PCDHGB2: variants seen among roughly 807,000 people sequenced by gnomAD.
The protein encoded by PCDHGB2 is protocadherin gamma subfamily B, 2.
A neutral mutation model predicts 59.3 loss-of-function variants in PCDHGB2; 55 were observed. The observed-to-expected ratio is 0.93, with a 90% CI of 0.75 to 1.16. The LOEUF (loss-of-function observed/expected upper bound fraction) is 1.16. Among genes scored for constraint, PCDHGB2 ranks in the 50% most tolerant of loss-of-function variants. PCDHGB2 has a pLI of 0.00. For synonymous variants in PCDHGB2, 516 were observed against 512.0 expected, an observed-to-expected ratio of 1.01 and a Z score of -0.11; for missense variants, 1,228 against 1,198.5, an observed-to-expected ratio of 1.02 and a Z score of -0.36.
At chr5:141,444,918 C>T (rs1197922745) in intron 1 of PCDHGB2, among the ~76,000 whole-genome samples, 1 of 152,106 alleles carries the variant, frequency 6.6e-6, no homozygotes, top group Non-Finnish European at 1.5e-5. Flanking sequence ...ATACCTTTAT[C>T]AGGGAAAGAG....
Position 141,361,770 on chromosome 5 carries a change from C to T in PCDHGB2, c.1635C>T (p.Asn545=). The change falls in exon 1 of 4, where the codon AAC becomes AAT. Residue 545 remains asparagine (N), a synonymous_variant. Transcript: ENST00000522605. The part of the protein sequence containing the change: ...RDQGSPALSA[N]VSLRVLVGDL... Reference sequence around the variant, plus strand: ...AGGGCTCGCCCGCGCTCAGCGCCAACGTGAGCCTGCGCGTGTTAGTGGGCG... The same window carrying T: ...AGGGCTCGCCCGCGCTCAGCGCCAATGTGAGCCTGCGCGTGTTAGTGGGCG... 6.2e-7 allele frequency: 1 copy of T among 1,613,188 alleles called. No homozygotes were observed.
rs1011504923 is a variant in PCDHGB2, at chr5:141,408,109, C to A, written c.2421+45553C>A. ...GGATTGCCAGCTCCGAGACCCGGGA[C>A]TCCTCCTGTCCTGGGCCGAATGCTC... is the stretch of plus-strand genomic sequence containing the variant. On this transcript the variant is annotated intron_variant, in intron 1 of 3. Transcript: ENST00000522605. 6 of 1,445,662 alleles carry A rather than the reference C, an allele frequency of 4.2e-6. No homozygotes were observed. In the African/African-American group the frequency reaches 5.7e-5, roughly 14 times the overall value. 89.6% of individuals were successfully genotyped at this position (1,445,662 alleles called of 1,614,324 possible). A position where few individuals can be genotyped will look rare whatever the true frequency, so the allele number is the denominator to read the frequency against.
intron 1 of PCDHGB2, chr5:141,421,898 A>T: frequency 6.2e-7 from 1 of 1,613,736 alleles, no homozygotes; most frequent in Non-Finnish European, 8.5e-7. Flanking sequence ...CCCATCCGAA[A>T]GGGCGCAGTT....
chr5:141,419,311 C>T (rs745852942), intron 1 of PCDHGB2: 4 of 1,613,876 alleles, frequency 2.5e-6, no homozygotes, highest in East Asian at 4.5e-5. Context: ...TCGGGCTCAA[C>T]GGCCGTGTCT....
intron 1 of PCDHGB2, chr5:141,418,683 CAG>C: frequency 6.2e-7 from 1 of 1,614,048 alleles, no homozygotes; most frequent in African/African-American, 1.3e-5. Flanking sequence ...GGCATCAACT[CAG>C]AGATCACTTA....
chr5:141,465,532 C>T (rs1175698109), intron 1 of PCDHGB2, among the ~76,000 whole-genome samples: 1 of 152,138 alleles, frequency 6.6e-6, no homozygotes, highest in Non-Finnish European at 1.5e-5. Flanking sequence ...GGAAGTTTTC[C>T]CAGGCATTTT....
intron 1 of PCDHGB2, chr5:141,418,003 G>T (rs1441842557): frequency 6.2e-7 from 1 of 1,613,798 alleles, no homozygotes; most frequent in Non-Finnish European, 8.5e-7. Context: ...CGGTGGTGGG[G>T]AACCTCGCTA....
In PCDHGB2 at chr5:141,361,045, A is replaced by G. The variant is rs1055845568; in HGVS notation, c.910A>G (p.Lys304Glu). The change falls in exon 1 of 4, where the codon AAG becomes GAG. Residue 304 changes from lysine (K) to glutamate (E), a missense_variant. Transcript: ENST00000522605. ...TGAAAAAACAGGAGAAATCACGACAAAGGATGATTTGGATTTTGAGATTGC... is the reference window on the plus strand; with the variant it reads ...TGAAAAAACAGGAGAAATCACGACAGAGGATGATTTGGATTTTGAGATTGC... ...LNEKTGEITTKDDLDFEIASS... is the reference protein window; with the variant it reads ...LNEKTGEITTEDDLDFEIASS... 5 of 1,613,552 alleles carry G rather than the reference A, an allele frequency of 3.1e-6. No individual in the cohort carries two copies. Among genetic ancestry groups the G allele is most frequent in the Non-Finnish European group, 3.4e-6 (4 of 1,179,700 alleles).
At chr5:141,427,525 C>T (rs779318429) in intron 1 of PCDHGB2, 9 of 611,980 alleles carry the variant, frequency 1.5e-5, no homozygotes, top group South Asian at 3.0e-5. Flanking sequence ...GAGCGGATCC[C>T]GGAGTACAAC....
chr5:141,487,812 T>A lies in PCDHGB2; in HGVS notation c.2422-6995T>A. ...TAACCAGAGTTGTCACAGTTTAGCA[T>A]TGGGGGCGGGTCATGCCTATATCTG... On this transcript the variant is annotated intron_variant, in intron 1 of 3. Coordinates refer to ENST00000522605, the MANE Select transcript of PCDHGB2 (RefSeq NM_018923.3). The surrounding 1 kb of genome is among the most constrained non-coding windows in gnomAD (Gnocchi z 5.0). 1 of 1,408,206 alleles carries A rather than the reference T, an allele frequency of 7.1e-7. No individual in the cohort carries two copies. The highest frequency in any genetic ancestry group is 9.7e-7 in the Non-Finnish European group (1 of 1,036,248). 87.2% of individuals were successfully genotyped at this position (1,408,206 alleles called of 1,614,324 possible). A position where few individuals can be genotyped will look rare whatever the true frequency, so the allele number is the denominator to read the frequency against.
At chr5:141,418,128 T>C (rs1386757111) in intron 1 of PCDHGB2, 1 of 1,614,090 alleles carries the variant, frequency 6.2e-7, no homozygotes, top group South Asian at 1.1e-5. Flanking sequence ...AAGGACCGAA[T>C]AGACCGTGAG....
chr5:141,375,703 G>T (rs776426026), intron 1 of PCDHGB2: 9 of 1,614,144 alleles, frequency 5.6e-6, no homozygotes, highest in Non-Finnish European at 7.6e-6. Flanking sequence ...GCGGGGACCC[G>T]CCTCTTAGCA....
chr5:141,461,902 C>A (rs1477274695), intron 1 of PCDHGB2, among the ~76,000 whole-genome samples: 1 of 152,116 alleles, frequency 6.6e-6, no homozygotes, highest in African/African-American at 2.4e-5. Flanking sequence ...CGGCTCACTG[C>A]AACCTCTGCC....
chr5:141,419,037 A>G, intron 1 of PCDHGB2: 1 of 1,613,972 alleles, frequency 6.2e-7, no homozygotes, highest in Middle Eastern at 1.6e-4. Flanking sequence ...GTTCCATTTA[A>G]GATTCATTCT....
At chr5:141,394,256 C>G in intron 1 of PCDHGB2, 1 of 1,613,942 alleles carries the variant, frequency 6.2e-7, no homozygotes, top group Non-Finnish European at 8.5e-7. Flanking sequence ...ACCCCGACAG[C>G]CAGGAGAATG....
rs763097687 is a variant in PCDHGB2 at position 141,489,361 on chromosome 5, C to G, written c.2422-5446C>G. On this transcript the variant is annotated intron_variant, in intron 1 of 3. Transcript: ENST00000522605. This position sits in a 1 kb window ranked among gnomAD's most constrained non-coding sequence, Gnocchi z 4.5. Reference sequence around the variant, plus strand: ...TTACTCAGTGGTGGAGGAGTCTGAGCCGGGGACGCTGGTGGGGAATGTTGC... The same window carrying G: ...TTACTCAGTGGTGGAGGAGTCTGAGGCGGGGACGCTGGTGGGGAATGTTGC... 6.2e-7 allele frequency: 1 copy of G among 1,612,762 alleles called. No homozygotes were observed. Among genetic ancestry groups the G allele is most frequent in the African/African-American group, 1.3e-5 (1 of 74,874 alleles).
chr5:141,400,516 C>T, intron 1 of PCDHGB2: 2 of 1,613,964 alleles, frequency 1.2e-6, no homozygotes, highest in African/African-American at 1.3e-5. Context: ...GACTTCCCAT[C>T]CTGAGTTGGT....
At chr5:141,410,430 A>G in intron 1 of PCDHGB2, 1 of 1,613,976 alleles carries the variant, frequency 6.2e-7, no homozygotes, top group Middle Eastern at 1.6e-4. Context: ...CCCCCCAACT[A>G]CAGTGAGGGG....
chr5:141,422,973 T>G (rs1157516415), intron 1 of PCDHGB2: 1 of 1,614,102 alleles, frequency 6.2e-7, no homozygotes, highest in Non-Finnish European at 8.5e-7. Flanking sequence ...CGCCCCGCTC[T>G]GCGGAACCTG....
Sources: allele counts gnomAD v4.1 joint callset (sites outside exome capture counted in the v4.1 genomes callset), GRCh38; gene constraint gnomAD v4.1.1; non-coding constraint Gnocchi (gnomAD v3.1); transcripts MANE v1.5; gene names NCBI Gene and HGNC (gene_info 2026-07-23, HGNC 2026-07-21).